Variants in FAM169A observed in about 807,000 individuals in gnomAD.
FAM169A encodes the protein family with sequence similarity 169 member A.
FAM169A carries 24 observed loss-of-function variants against 75.7 expected under a neutral mutation model. The ratio of observed to expected loss-of-function variants is 0.32; its 90% confidence interval spans 0.23 to 0.45. FAM169A has a LOEUF of 0.45. FAM169A is among the 20% of genes least tolerant of loss of function. The probability of loss-of-function intolerance (pLI) is 1.00; values close to 1 mark genes in which losing one functional copy is unlikely to be tolerated. For synonymous variants in FAM169A, 271 were observed against 271.0 expected (o/e 1.00, Z 0.00); for missense variants, 673 against 784.0 (o/e 0.86, Z 1.69).
At chr5:74,833,931 G>A (rs1039410286) in intron 5 of FAM169A, among the ~76,000 whole-genome samples, 3 of 152,182 alleles carry the variant, frequency 2.0e-5, no homozygotes. Flanking sequence ...CAATTTCAAA[G>A]CTGTTTGTAT....
rs772315121 is a variant in FAM169A at position 74,857,108 on chromosome 5, C to CAA, written c.-4+9055_-4+9056dup. On this transcript the variant is annotated intron_variant, in intron 1 of 12. Coordinates refer to ENST00000687041, the MANE Select transcript of FAM169A (RefSeq NM_001376049.1). ...TGGGCCACAGAGTGAGACTCCACCTCAAAAAAAAAAAAAAAAAAAAAATCA... is the reference window on the plus strand; with the variant it reads ...TGGGCCACAGAGTGAGACTCCACCTCAAAAAAAAAAAAAAAAAAAAAAAATCA... Among the ~76,000 whole-genome samples, 206 of 67,744 alleles carry CAA rather than the reference C, an allele frequency of 3.0e-3. 1 individual carries two copies. Among genetic ancestry groups the CAA allele is most frequent in the East Asian group, 5.1e-3 (12 of 2,336 alleles). The allele number at this position is 67,744 out of a possible 152,430, so 44.4% of individuals were successfully genotyped here.
Position 74,783,102 on chromosome 5 carries a change from T to C in FAM169A, c.1293A>G (p.Ile431Met), listed in dbSNP as rs2112454712. ...GTGAGGTCTTAAGAGAATCGTCCATTATCTCACCATTCATAGGCTCTAATT... is the reference window on the plus strand; with the variant it reads ...GTGAGGTCTTAAGAGAATCGTCCATCATCTCACCATTCATAGGCTCTAATT... ...ESELEPMNGEIMDDSLKTSLI... is the reference protein window; with the variant it reads ...ESELEPMNGEMMDDSLKTSLI... The change falls in exon 12 of 13, where the codon ATA becomes ATG. Residue 431 changes from isoleucine (I) to methionine (M), a missense_variant. This residue lies in a region of FAM169A where 510 missense variants were observed against 550.9 expected (regional missense o/e 0.93). Coordinates refer to ENST00000687041, the MANE Select transcript of FAM169A (RefSeq NM_001376049.1). 4 of 1,613,504 alleles carry C rather than the reference T, an allele frequency of 2.5e-6. No homozygotes were observed. Among genetic ancestry groups the C allele is most frequent in the South Asian group, 2.2e-5 (2 of 91,056 alleles).
At chr5:74,840,226 TA>T (rs1273571671) in intron 2 of FAM169A, 53 bp from the exon 3 acceptor site, 4 of 755,438 alleles carry the variant, frequency 5.3e-6, no homozygotes, top group South Asian at 2.2e-5. Flanking sequence ...GAAAATACAT[TA>T]AAAAAATCAA....
At chr5:74,794,860 CAGG>C (rs1158787855) in intron 11 of FAM169A, among the ~76,000 whole-genome samples, 1 of 151,336 alleles carries the variant, frequency 6.6e-6, no homozygotes, top group Admixed American at 6.6e-5. Context: ...GAGGCAGAGG[CAGG>C]AGAATTGCTT....
chr5:74,865,892 A>G (rs1005037131), intron 1 of FAM169A: 1 of 152,208 alleles, frequency 6.6e-6, no homozygotes, highest in African/African-American at 2.4e-5. Flanking sequence ...ATTCCCTCAC[A>G]CAAAATGGTG....
At chr5:74,785,098 A>C (rs1231772337) in intron 11 of FAM169A, among the ~76,000 whole-genome samples, 1 of 152,038 alleles carries the variant, frequency 6.6e-6, no homozygotes. Flanking sequence ...AGGCAGGTGG[A>C]TCACAAGGTC....
At chr5:74,805,524 CTTTTTTTTTTTT>C (rs1194674402) in intron 6 of FAM169A, among the ~76,000 whole-genome samples, 2 of 81,934 alleles carry the variant, frequency 2.4e-5, no homozygotes, top group Non-Finnish European at 4.4e-5. Flanking sequence ...ATGTGCTTCG[CTTTTTTTTTTTT>C]TTTTTTTTTT....
At chr5:74,860,903 C>T (rs1346642121) in intron 1 of FAM169A, among the ~76,000 whole-genome samples, 1 of 150,358 alleles carries the variant, frequency 6.7e-6, no homozygotes, top group Non-Finnish European at 1.5e-5. Flanking sequence ...TTTAGGAAGT[C>T]GAGGCAGGCG....
At chr5:74,855,064 A>G (rs1749639786) in intron 1 of FAM169A, among the ~76,000 whole-genome samples, 1 of 152,272 alleles carries the variant, frequency 6.6e-6, no homozygotes, top group Non-Finnish European at 1.5e-5. Context: ...ATACTAATTT[A>G]CATTCCCACC....
chr5:74,799,707 T>C (rs114168901), intron 10 of FAM169A: 21,860 of 1,239,116 alleles, frequency 0.018, 228 homozygotes, highest in Admixed American at 0.026. Context: ...AAAGTGTGCA[T>C]GTCTCAATCT....
chr5:74,801,383 AAG>A (rs1746568193), intron 9 of FAM169A, among the ~76,000 whole-genome samples: 1 of 152,188 alleles, frequency 6.6e-6, no homozygotes, highest in African/African-American at 2.4e-5. Flanking sequence ...GGAAACAAGG[AAG>A]AGAGAGGTAC....
intron 11 of FAM169A, among the ~76,000 whole-genome samples, chr5:74,784,510 CA>C (rs200414695): frequency 2.5e-3 from 75 of 29,862 alleles, no homozygotes; most frequent in East Asian, 0.01. Flanking sequence ...GACTCCGTCT[CA>C]AAAAAAAAAA....
intron 8 of FAM169A, among the ~76,000 whole-genome samples, chr5:74,803,650 C>T (rs1369382659): frequency 2.0e-5 from 3 of 151,830 alleles, no homozygotes; most frequent in African/African-American, 7.3e-5. Context: ...TTCTAGAGTC[C>T]CATCAATGGG....
chr5:74,826,380 G>T (rs1748027365), intron 5 of FAM169A, among the ~76,000 whole-genome samples: 1 of 152,144 alleles, frequency 6.6e-6, no homozygotes, highest in Non-Finnish European at 1.5e-5. Flanking sequence ...TGTATGGTGG[G>T]GCTTGCTGGC....
intron 6 of FAM169A, among the ~76,000 whole-genome samples, chr5:74,807,130 T>C (rs939106128): frequency 6.6e-6 from 1 of 152,178 alleles, no homozygotes; most frequent in African/African-American, 2.4e-5. Flanking sequence ...TGGGGTTACA[T>C]TCTGATAAAC....
At chr5:74,843,276 C>T (rs1274073084) in intron 1 of FAM169A, among the ~76,000 whole-genome samples, 4 of 152,144 alleles carry the variant, frequency 2.6e-5, no homozygotes, top group Admixed American at 6.5e-5. Flanking sequence ...CATAAAGGTA[C>T]TGGATCTCCC....
intron 11 of FAM169A, among the ~76,000 whole-genome samples, chr5:74,794,198 T>C (rs558796041): frequency 6.8e-6 from 1 of 146,416 alleles, no homozygotes; most frequent in East Asian, 2.1e-4. Flanking sequence ...ATCAAGACCA[T>C]CCTGGCTAAC....
intron 1 of FAM169A, among the ~76,000 whole-genome samples, chr5:74,844,500 T>G (rs1385144801): frequency 6.6e-6 from 1 of 150,660 alleles, no homozygotes; most frequent in African/African-American, 2.4e-5. Flanking sequence ...AAAAGAAAAA[T>G]TTCCATGATA....
intron 8 of FAM169A, among the ~76,000 whole-genome samples, chr5:74,804,145 G>C (rs1416338255): frequency 6.6e-6 from 1 of 151,868 alleles, no homozygotes; most frequent in Non-Finnish European, 1.5e-5. Flanking sequence ...AATATATACA[G>C]ATACATGCTT....
Sources: gnomAD v4.1 joint callset for allele counts (sites outside exome capture counted in the v4.1 genomes callset) on GRCh38, gnomAD v4.1.1 for gene constraint, gnomAD v4.1.1 regional missense constraint, MANE v1.5 for transcripts, NCBI Gene and HGNC (gene_info 2026-07-23, HGNC 2026-07-21) for gene names.